Variants in TMEM135 observed in about 807,000 individuals in gnomAD.
The protein encoded by TMEM135 is peroxisomal membrane protein 52.
Under a neutral mutation model 60.3 loss-of-function variants are expected in TMEM135, and 30 were observed. The observed-to-expected ratio is 0.50, with a 90% CI of 0.37 to 0.68. The LOEUF (loss-of-function observed/expected upper bound fraction) is 0.68, where lower values mean the gene tolerates loss of function less well. Among genes scored for constraint, TMEM135 ranks in the 30% least tolerant of loss-of-function variants. TMEM135 has a pLI of 0.00. For synonymous variants in TMEM135, 190 were observed against 186.7 expected, an observed-to-expected ratio of 1.02 and a Z score of -0.14; for missense variants, 468 against 548.8, an observed-to-expected ratio of 0.85 and a Z score of 1.47.
At chr11:87,195,916 T>A (rs1939946670) in intron 5 of TMEM135, among the ~76,000 whole-genome samples, 1 of 152,206 alleles carries the variant, frequency 6.6e-6, no homozygotes, top group Admixed American at 6.5e-5. Flanking sequence ...TGTTCGAGAC[T>A]ATTTTATGGC....
At chr11:87,311,412 T>A (rs958028742) in intron 10 of TMEM135, among the ~76,000 whole-genome samples, 6 of 152,062 alleles carry the variant, frequency 3.9e-5, no homozygotes, top group African/African-American at 1.4e-4. Context: ...GACAGATTAT[T>A]GGTAATTGCA....
intron 11 of TMEM135, 36 bp downstream of exon 11, chr11:87,313,524 A>G (rs370586298): frequency 2.4e-5 from 37 of 1,514,108 alleles, no homozygotes; most frequent in Non-Finnish European, 3.2e-5. Context: ...TTATTATTGT[A>G]TTAATCAGTG....
chr11:87,108,211 T>C (rs928734677), intron 4 of TMEM135, among the ~76,000 whole-genome samples: 1 of 152,196 alleles, frequency 6.6e-6, no homozygotes, highest in Non-Finnish European at 1.5e-5. Flanking sequence ...ATTCTGTAGG[T>C]TGCCTGTTCA....
chr11:87,197,642 A>G (rs953527228), intron 5 of TMEM135, among the ~76,000 whole-genome samples: 10 of 146,254 alleles, frequency 6.8e-5, no homozygotes, highest in Non-Finnish European at 9.0e-5. Context: ...GTGTGGTTTT[A>G]TGTGTAGCTT....
intron 6 of TMEM135, among the ~76,000 whole-genome samples, chr11:87,264,049 T>C (rs1941703150): frequency 1.3e-5 from 2 of 152,016 alleles, no homozygotes; most frequent in Admixed American, 6.5e-5. Flanking sequence ...ATTTTACATA[T>C]GACATAGTTT....
At chr11:87,238,792 C>T (rs183998021) in intron 6 of TMEM135, among the ~76,000 whole-genome samples, 8 of 152,002 alleles carry the variant, frequency 5.3e-5, no homozygotes, top group African/African-American at 1.2e-4. Context: ...AAAATGCAAT[C>T]GTAAAAAGCT....
intron 5 of TMEM135, among the ~76,000 whole-genome samples, chr11:87,204,289 A>G (rs1940187568): frequency 6.6e-6 from 1 of 152,074 alleles, no homozygotes; most frequent in South Asian, 2.1e-4. Flanking sequence ...ACCAAACTCA[A>G]GCTGCTTTGC....
At chr11:87,320,281 G>A (rs1167584065) in intron 14 of TMEM135, among the ~76,000 whole-genome samples, 1 of 152,138 alleles carries the variant, frequency 6.6e-6, no homozygotes, top group Non-Finnish European at 1.5e-5. Flanking sequence ...CACTCAGTTA[G>A]TAAATGAAGG....
intron 4 of TMEM135, among the ~76,000 whole-genome samples, chr11:87,120,472 CTTTT>C (rs541561365): frequency 2.9e-5 from 3 of 104,250 alleles, no homozygotes; most frequent in African/African-American, 1.1e-4. Flanking sequence ...GATGAAATTT[CTTTT>C]TTTTTTTTTT....
intron 6 of TMEM135, among the ~76,000 whole-genome samples, chr11:87,287,252 C>G (rs891165010): frequency 2.6e-5 from 4 of 152,160 alleles, no homozygotes; most frequent in Admixed American, 6.5e-5. Flanking sequence ...ACAATGTCTT[C>G]TGTATATTAG....
chr11:87,162,718 T>A (rs1938917795), intron 5 of TMEM135, among the ~76,000 whole-genome samples: 2 of 152,190 alleles, frequency 1.3e-5, no homozygotes, highest in Admixed American at 1.3e-4. Flanking sequence ...TGATTTATAA[T>A]CCTTCATGTA....
At chr11:87,137,266 T>TA (rs11424292) in intron 4 of TMEM135, among the ~76,000 whole-genome samples, 70,569 of 146,934 alleles carry the variant, frequency 0.48, 16,801 homozygotes, top group East Asian at 0.67. Flanking sequence ...TGCCTATATC[T>TA]AAAAAAAAAA....
At chr11:87,101,053 G>T (rs1260517300) in intron 4 of TMEM135, among the ~76,000 whole-genome samples, 1 of 152,156 alleles carries the variant, frequency 6.6e-6, no homozygotes, top group Non-Finnish European at 1.5e-5. Context: ...GTATTAGAGT[G>T]AAAAGTACCC....
chr11:87,202,646 T>C lies in TMEM135; in HGVS notation c.463-33992T>C, dbSNP rs2511094. 3.2e-4 allele frequency among the ~76,000 whole-genome samples: 48 copies of C among 151,698 alleles called. 1 individual carries two copies. In the East Asian group the frequency reaches 5.2e-3, roughly 17 times the overall value. Reference sequence around the variant, plus strand: ...AATATATTTTTATATTATGTAGGTGTGTATGTTTAACACTGCATGTAAATA... The same window carrying C: ...AATATATTTTTATATTATGTAGGTGCGTATGTTTAACACTGCATGTAAATA... On this transcript the variant is annotated intron_variant, in intron 5 of 14. Coordinates refer to ENST00000305494, the MANE Select transcript of TMEM135 (RefSeq NM_022918.4).
intron 6 of TMEM135, among the ~76,000 whole-genome samples, chr11:87,257,874 G>A (rs1427458972): frequency 6.6e-6 from 1 of 151,890 alleles, no homozygotes; most frequent in Non-Finnish European, 1.5e-5. Flanking sequence ...ATATTTCAAT[G>A]GTATCTCAAT....
At chr11:87,170,465 T>C (rs1485360485) in intron 5 of TMEM135, among the ~76,000 whole-genome samples, 2 of 152,142 alleles carry the variant, frequency 1.3e-5, no homozygotes, top group African/African-American at 2.4e-5. Context: ...TCCGATGGGG[T>C]TTCTGTGTGG....
intron 1 of TMEM135, among the ~76,000 whole-genome samples, chr11:87,039,754 G>A (rs969731458): frequency 1.3e-5 from 2 of 152,184 alleles, no homozygotes; most frequent in African/African-American, 2.4e-5. Flanking sequence ...TATGATATAG[G>A]TGGAAAGAGA....
intron 5 of TMEM135, among the ~76,000 whole-genome samples, chr11:87,222,762 G>A (rs181216751): frequency 1.1e-4 from 17 of 151,728 alleles, no homozygotes; most frequent in Admixed American, 3.3e-4. Context: ...CTGAGATCAT[G>A]CCATTGCACT....
At position 87,120,472 on chromosome 11, in the gene TMEM135, C is replaced by T. The variant is rs867864159; in HGVS notation, c.396+29077C>T. 3.1e-3 allele frequency among the ~76,000 whole-genome samples: 319 copies of T among 104,088 alleles called. 3 individuals carry two copies. Among genetic ancestry groups the T allele is most frequent in the African/African-American group, 3.2e-3 (86 of 27,130 alleles). 68.3% of individuals were successfully genotyped at this position (104,088 alleles called of 152,430 possible). A position where few individuals can be genotyped will look rare whatever the true frequency, so the allele number is the denominator to read the frequency against. On this transcript the variant is annotated intron_variant, in intron 4 of 14. Coordinates refer to ENST00000305494, the MANE Select transcript of TMEM135 (RefSeq NM_022918.4). Reference sequence around the variant, plus strand: ...TAAAATATAGCATGAGATGAAATTTCTTTTTTTTTTTTTTTTTGAGACAGA... The same window carrying T: ...TAAAATATAGCATGAGATGAAATTTTTTTTTTTTTTTTTTTTTGAGACAGA...
Sources: gnomAD v4.1 joint callset for allele counts (sites outside exome capture counted in the v4.1 genomes callset) on GRCh38, gnomAD v4.1.1 for gene constraint, MANE v1.5 for transcripts, NCBI Gene and HGNC (gene_info 2026-07-23, HGNC 2026-07-21) for gene names.